COBL: variants seen among roughly 807,000 people sequenced by gnomAD.
COBL encodes the protein cordon-bleu WH2 repeat protein, also known as protein cordon-bleu.
COBL carries 51 observed loss-of-function variants against 98.8 expected under a neutral mutation model. That is an observed-to-expected ratio of 0.52 (90% CI 0.41 to 0.65). The LOEUF (loss-of-function observed/expected upper bound fraction) is 0.65, where lower values mean the gene tolerates loss of function less well. Ranked by LOEUF, COBL falls within the 30% of genes least tolerant of loss-of-function variation. COBL has a pLI of 0.00. For synonymous variants in COBL, 634 were observed against 651.7 expected (o/e 0.97, Z 0.41); for missense variants, 1,617 against 1,617.5 (o/e 1.00, Z 0.01).
chr7:51,254,648 T>C (rs887391664), intron 1 of COBL, among the ~76,000 whole-genome samples: 2 of 152,170 alleles, frequency 1.3e-5, no homozygotes, highest in African/African-American at 2.4e-5. Flanking sequence ...GATTCTAGAA[T>C]GGTTGACTAC....
intron 2 of COBL, among the ~76,000 whole-genome samples, chr7:51,214,709 T>C (rs1434900290): frequency 6.6e-6 from 1 of 152,334 alleles, no homozygotes; most frequent in Non-Finnish European, 1.5e-5. Flanking sequence ...TCTGTTAGTG[T>C]TGGGCTTAAA....
chr7:51,173,924 C>T (rs1788115908), intron 5 of COBL, among the ~76,000 whole-genome samples: 2 of 149,282 alleles, frequency 1.3e-5, no homozygotes, highest in South Asian at 4.1e-4. Flanking sequence ...ACATATGACA[C>T]ATACACATAT....
rs574943842 is a variant in COBL at position 51,019,059 on chromosome 7, C to T, written c.3769-1491G>A. Among the ~76,000 whole-genome samples the T allele has an allele frequency of 8.0e-5, 12 of 150,320 alleles. No individual in the cohort carries two copies. In the South Asian group the frequency reaches 2.5e-3, roughly 32 times the overall value. ...GTGTGGCCTAGGGAAGGCAAAAGAT[C>T]AGACACCTCTGATCTACTTGTACAA... On this transcript the variant is annotated intron_variant, in intron 12 of 12. Coordinates refer to ENST00000265136, the MANE Select transcript of COBL (RefSeq NM_015198.5).
At chr7:51,157,297 C>G (rs2129030268) in intron 5 of COBL, among the ~76,000 whole-genome samples, 1 of 152,318 alleles carries the variant, frequency 6.6e-6, no homozygotes, top group South Asian at 2.1e-4. Flanking sequence ...TGCTTAAACC[C>G]AGGAGGCAGA....
At chr7:51,224,135 G>C (rs1793934442) in intron 1 of COBL, among the ~76,000 whole-genome samples, 1 of 152,200 alleles carries the variant, frequency 6.6e-6, no homozygotes, top group Admixed American at 6.5e-5. Context: ...ACAGCTAGGT[G>C]TGTAGTAGGC....
chr7:51,169,122 G>A (rs1193036077), intron 5 of COBL, among the ~76,000 whole-genome samples: 1 of 152,138 alleles, frequency 6.6e-6, no homozygotes, highest in Non-Finnish European at 1.5e-5. Context: ...CTGCTACCCG[G>A]AGGCTTCATC....
At chr7:51,047,793 T>C (rs1207386887) in intron 7 of COBL, among the ~76,000 whole-genome samples, 2 of 152,224 alleles carry the variant, frequency 1.3e-5, no homozygotes, top group African/African-American at 2.4e-5. Context: ...CTCTATGTTC[T>C]AGGCACTTGG....
intron 2 of COBL, among the ~76,000 whole-genome samples, chr7:51,211,964 A>G (rs1190476579): frequency 6.6e-6 from 1 of 152,182 alleles, no homozygotes; most frequent in Admixed American, 6.5e-5. Context: ...CAGTAACAAA[A>G]TGGAATGATT....
intron 1 of COBL, among the ~76,000 whole-genome samples, chr7:51,271,579 G>A (rs1296876870): frequency 6.6e-6 from 1 of 152,156 alleles, no homozygotes; most frequent in Non-Finnish European, 1.5e-5. Context: ...GAAAAACAAA[G>A]GTGAGCTGCT....
intron 7 of COBL, among the ~76,000 whole-genome samples, chr7:51,058,511 C>G (rs1202774069): frequency 6.6e-6 from 1 of 152,112 alleles, no homozygotes; most frequent in Non-Finnish European, 1.5e-5. Flanking sequence ...TATGATTGCA[C>G]TAATGCACTC....
chr7:51,290,593 G>T (rs1800806411), intron 1 of COBL, among the ~76,000 whole-genome samples: 1 of 151,986 alleles, frequency 6.6e-6, no homozygotes, highest in Non-Finnish European at 1.5e-5. Context: ...TTCAAATTTA[G>T]GCTCGCCCCA....
At chr7:51,170,779 G>A (rs1426435382) in intron 5 of COBL, among the ~76,000 whole-genome samples, 1 of 151,950 alleles carries the variant, frequency 6.6e-6, no homozygotes, top group Non-Finnish European at 1.5e-5. Context: ...GAAGGATGGG[G>A]AGAGATTGGT....
chr7:51,017,453 A>C lies in COBL; in HGVS notation c.*98T>G, dbSNP rs1031501726. The C allele has an allele frequency of 4.3e-5, 56 of 1,298,866 alleles. No individual in the cohort carries two copies. Among genetic ancestry groups the C allele is most frequent in the Non-Finnish European group, 6.1e-5 (55 of 894,940 alleles). 80.5% of individuals were successfully genotyped at this position (1,298,866 alleles called of 1,614,324 possible). On this transcript the variant is annotated 3_prime_UTR_variant, in exon 13 of 13. Coordinates refer to ENST00000265136, the MANE Select transcript of COBL (RefSeq NM_015198.5). Reference sequence around the variant, plus strand: ...GCATTTGGCCTGTAGACAAGAAAGTAACACCAAAACTTGATGTTCCTGGCT... The same window carrying C: ...GCATTTGGCCTGTAGACAAGAAAGTCACACCAAAACTTGATGTTCCTGGCT...
intron 1 of COBL, 157 bp downstream of exon 1, chr7:51,316,436 A>C (rs1003708990): frequency 4.3e-6 from 2 of 464,950 alleles, no homozygotes; most frequent in African/African-American, 4.1e-5. Flanking sequence ...CAACACCAGC[A>C]CCCAACACCA....
At chr7:51,208,852 G>A (rs971846427) in intron 2 of COBL, among the ~76,000 whole-genome samples, 1 of 151,932 alleles carries the variant, frequency 6.6e-6, no homozygotes, top group Non-Finnish European at 1.5e-5. Flanking sequence ...TTAAACAGAT[G>A]CTTGAAGGCA....
At chr7:51,217,973 T>G (rs1003276536) in intron 2 of COBL, among the ~76,000 whole-genome samples, 1 of 152,158 alleles carries the variant, frequency 6.6e-6, no homozygotes, top group Non-Finnish European at 1.5e-5. Context: ...CCCACCTTGA[T>G]CCACTGTAGA....
chr7:51,238,731 T>C (rs574775123), intron 1 of COBL, among the ~76,000 whole-genome samples: 8 of 152,272 alleles, frequency 5.3e-5, no homozygotes, highest in Non-Finnish European at 8.8e-5. Flanking sequence ...ACAATGCTCC[T>C]GGCCCCTGAC....
intron 1 of COBL, among the ~76,000 whole-genome samples, chr7:51,230,512 C>T (rs1794644159): frequency 6.6e-6 from 1 of 152,146 alleles, no homozygotes. Context: ...TTCCTGCTGG[C>T]CCCTTCCCAC....
intron 1 of COBL, among the ~76,000 whole-genome samples, chr7:51,309,927 G>T (rs1802853125): frequency 6.6e-6 from 1 of 152,284 alleles, no homozygotes. Context: ...AAGGCCTCCT[G>T]GGGGAGCCCC....
Sources: gnomAD v4.1 joint callset for allele counts (sites outside exome capture counted in the v4.1 genomes callset) on GRCh38, gnomAD v4.1.1 for gene constraint, MANE v1.5 for transcripts, NCBI Gene and HGNC (gene_info 2026-07-23, HGNC 2026-07-21) for gene names.